The following SLC8A1 variants were observed in gnomAD, a reference collection of about 807,000 sequenced individuals.
The protein encoded by SLC8A1 is solute carrier family 8 member A1, also known as sodium/calcium exchanger 1.
SLC8A1 carries 18 observed loss-of-function variants against 68.3 expected under a neutral mutation model. The ratio of observed to expected loss-of-function variants is 0.26; its 90% confidence interval spans 0.18 to 0.39. The LOEUF is 0.39. Among genes scored for constraint, SLC8A1 ranks in the 10% least tolerant of loss-of-function variants. The pLI is 1.00. For synonymous variants in SLC8A1, 475 were observed against 415.5 expected, an observed-to-expected ratio of 1.14 and a Z score of -1.74; for missense variants, 985 against 1,156.7, an observed-to-expected ratio of 0.85 and a Z score of 2.15.
intron 2 of SLC8A1, among the ~76,000 whole-genome samples, chr2:40,268,182 T>G (rs1046794355): frequency 6.6e-6 from 1 of 152,102 alleles, no homozygotes; most frequent in African/African-American, 2.4e-5. Flanking sequence ...GTGTGTGTGT[T>G]TGTGTGTTTC....
chr2:40,276,013 T>A (rs903249748), intron 2 of SLC8A1, among the ~76,000 whole-genome samples: 12 of 152,218 alleles, frequency 7.9e-5, no homozygotes, highest in Non-Finnish European at 1.5e-4. Flanking sequence ...AAGATGTTTA[T>A]ATTCTAACTT....
At chr2:40,350,513 A>T (rs569985388) in intron 2 of SLC8A1, among the ~76,000 whole-genome samples, 41 of 149,524 alleles carry the variant, frequency 2.7e-4, no homozygotes, top group African/African-American at 1.0e-3. Context: ...AATGGCATTT[A>T]TCAAATTACA....
At chr2:40,463,531 T>G (rs762548428) in intron 1 of SLC8A1, among the ~76,000 whole-genome samples, 1 of 152,116 alleles carries the variant, frequency 6.6e-6, no homozygotes, top group Admixed American at 6.5e-5. Flanking sequence ...CATACAAAAT[T>G]TAGCAGAATT....
At position 40,359,449 on chromosome 2, in the gene SLC8A1, C is replaced by T. The variant is rs138372747; in HGVS notation, c.1808+69024G>A. On this transcript the variant is annotated intron_variant, in intron 2 of 7. Transcript: ENST00000406785. ...TGTGAAAAAGGGTTTTTGTCCTGAG[C>T]GCAATGAGAAGCATTGGGAGGCTTT... Among the ~76,000 whole-genome samples, 922 of 152,098 alleles carry T rather than the reference C, an allele frequency of 6.1e-3. 7 individuals carry two copies. Among genetic ancestry groups the T allele is most frequent in the Non-Finnish European group, 9.3e-3 (631 of 67,994 alleles).
intron 2 of SLC8A1, among the ~76,000 whole-genome samples, chr2:40,210,898 A>G (rs1269015303): frequency 6.6e-6 from 1 of 152,204 alleles, no homozygotes; most frequent in Non-Finnish European, 1.5e-5. Context: ...TATATAAGGT[A>G]TCATTAACAT....
chr2:40,253,156 TATATATGTATATACACACAA>T, intron 2 of SLC8A1, among the ~76,000 whole-genome samples: 1 of 124,526 alleles, frequency 8.0e-6, no homozygotes, highest in Non-Finnish European at 1.6e-5. Context: ...TATACATACA[TATATATGTATATACACACAA>T]ATATACATAT....
At chr2:40,265,226 T>G (rs558153285) in intron 2 of SLC8A1, among the ~76,000 whole-genome samples, 1 of 152,334 alleles carries the variant, frequency 6.6e-6, no homozygotes, top group African/African-American at 2.4e-5. Flanking sequence ...TTTAGGTCAC[T>G]GCAATGTTTA....
chr2:40,398,468 T>C lies in SLC8A1; in HGVS notation c.1808+30005A>G, dbSNP rs556660790. ...AAAGAATTACAATAGCAATACAATT[T>C]CATTATAAAAAGCAGAATATGTGGA... On this transcript the variant is annotated intron_variant, in intron 2 of 7. Transcript: ENST00000406785. Among the ~76,000 whole-genome samples, 8 of 152,362 alleles carry C rather than the reference T, an allele frequency of 5.3e-5. 1 individual carries two copies. The South Asian group carries it at 1.7e-3, about 32-fold the overall frequency.
chr2:40,172,931 A>G (rs1323643035), intron 4 of SLC8A1, among the ~76,000 whole-genome samples: 1 of 151,982 alleles, frequency 6.6e-6, no homozygotes, highest in African/African-American at 2.4e-5. Flanking sequence ...ACAGAGTGAG[A>G]CTCCATCTCA....
chr2:40,369,257 A>C (rs1447059437), intron 2 of SLC8A1, among the ~76,000 whole-genome samples: 1 of 152,132 alleles, frequency 6.6e-6, no homozygotes, highest in Non-Finnish European at 1.5e-5. Context: ...GACAACCTAC[A>C]GAATAGGAGA....
chr2:40,347,192 T>G (rs574140711), intron 2 of SLC8A1, among the ~76,000 whole-genome samples: 1 of 152,194 alleles, frequency 6.6e-6, no homozygotes, highest in Non-Finnish European at 1.5e-5. Flanking sequence ...TAGACTGCAG[T>G]GGTGCAATCA....
At chr2:40,305,352 G>T (rs2072364435) in intron 2 of SLC8A1, among the ~76,000 whole-genome samples, 1 of 152,152 alleles carries the variant, frequency 6.6e-6, no homozygotes. Flanking sequence ...TGAAATGTAG[G>T]TTATTTAGCA....
intron 2 of SLC8A1, among the ~76,000 whole-genome samples, chr2:40,313,448 AT>A (rs1231691905): frequency 1.3e-5 from 2 of 151,982 alleles, no homozygotes; most frequent in African/African-American, 4.8e-5. Flanking sequence ...GCTGGATTAT[AT>A]GATAAGTGTA....
At chr2:40,378,616 T>C (rs549787564) in intron 2 of SLC8A1, among the ~76,000 whole-genome samples, 1 of 152,268 alleles carries the variant, frequency 6.6e-6, no homozygotes, top group East Asian at 1.9e-4. Context: ...AGAGTGTTCA[T>C]ATAGCTGATA....
At chr2:40,460,939 T>A (rs1382561867) in intron 1 of SLC8A1, among the ~76,000 whole-genome samples, 1 of 152,050 alleles carries the variant, frequency 6.6e-6, no homozygotes, top group Non-Finnish European at 1.5e-5. Flanking sequence ...ATCTTGACAG[T>A]GTGTCTGAGA....
At chr2:40,148,474 G>A (rs1385745808) in intron 6 of SLC8A1, among the ~76,000 whole-genome samples, 3 of 152,216 alleles carry the variant, frequency 2.0e-5, no homozygotes, top group African/African-American at 7.2e-5. Flanking sequence ...TTTGAGCAAA[G>A]TGGTGATGCA....
intron 2 of SLC8A1, among the ~76,000 whole-genome samples, chr2:40,398,255 G>A (rs570556180): frequency 6.6e-6 from 1 of 152,066 alleles, no homozygotes; most frequent in Admixed American, 6.5e-5. Flanking sequence ...TTGCTGATCT[G>A]GCCTCCAGTT....
At chr2:40,196,982 G>T (rs763988236) in intron 2 of SLC8A1, among the ~76,000 whole-genome samples, 1 of 151,988 alleles carries the variant, frequency 6.6e-6, no homozygotes, top group Non-Finnish European at 1.5e-5. Context: ...TGCAGAGGGG[G>T]TGTTCTTTAT....
At chr2:40,276,864 G>T (rs1408073496) in intron 2 of SLC8A1, among the ~76,000 whole-genome samples, 2 of 152,166 alleles carry the variant, frequency 1.3e-5, no homozygotes, top group African/African-American at 4.8e-5. Context: ...ACGCTGACAA[G>T]GCCCAACTTA....
Sources: allele counts gnomAD v4.1 joint callset (sites outside exome capture counted in the v4.1 genomes callset), GRCh38; gene constraint gnomAD v4.1.1; transcripts MANE v1.5; gene names NCBI Gene and HGNC (gene_info 2026-07-23, HGNC 2026-07-21).